ZNF16: variants seen among roughly 807,000 people sequenced by gnomAD.
The protein encoded by ZNF16 is zinc finger protein 16.
A neutral mutation model predicts 9.0 loss-of-function variants in ZNF16; 7 were observed. The observed-to-expected ratio is 0.78, with a 90% CI of 0.44 to 1.47. The LOEUF is 1.47. ZNF16 is among the 40% of genes most tolerant of loss of function. ZNF16 has a pLI of 0.01. For synonymous variants in ZNF16, 312 were observed against 301.5 expected, an observed-to-expected ratio of 1.03 and a Z score of -0.36; for missense variants, 830 against 854.2, an observed-to-expected ratio of 0.97 and a Z score of 0.35.
At chr8:144,943,918 T>C (rs1833862805) in intron 2 of ZNF16, among the ~76,000 whole-genome samples, 1 of 152,234 alleles carries the variant, frequency 6.6e-6, no homozygotes, top group South Asian at 2.1e-4. Context: ...TCAAATCTAC[T>C]GCTGAAACCC....
intron 1 of ZNF16, among the ~76,000 whole-genome samples, chr8:144,946,994 C>A (rs1330160819): frequency 9.2e-6 from 1 of 109,128 alleles, no homozygotes; most frequent in Non-Finnish European, 1.8e-5. Context: ...TGCTGTGGGG[C>A]TGTGTCCTGC....
Position 144,946,810 on chromosome 8 carries a change from G to C in ZNF16, c.-9-595C>G, listed in dbSNP as rs77821487. Among the ~76,000 whole-genome samples the C allele has an allele frequency of 1.1e-3, 65 of 60,610 alleles. 1 individual carries two copies. Among genetic ancestry groups the C allele is most frequent in the African/African-American group, 1.1e-3 (16 of 13,968 alleles). The allele number at this position is 60,610 out of a possible 152,430, so 39.8% of individuals were successfully genotyped here. On this transcript the variant is annotated intron_variant, in intron 1 of 2. Coordinates refer to ENST00000394909, the MANE Select transcript of ZNF16 (RefSeq NM_006958.3). Reference sequence around the variant, plus strand: ...CTGTGGGCCTGTGTCCTGCTGTGGGGCTGTGTCCTGCTGTGGGCCTGTATC... The same window carrying C: ...CTGTGGGCCTGTGTCCTGCTGTGGGCCTGTGTCCTGCTGTGGGCCTGTATC...
At chr8:144,946,563 CCT>C (rs1833939082) in intron 1 of ZNF16, among the ~76,000 whole-genome samples, 10 of 133,396 alleles carry the variant, frequency 7.5e-5, no homozygotes, top group African/African-American at 2.7e-4. Context: ...GGGCCTGTAC[CCT>C]GCTGTGGGCC....
At chr8:144,939,836 TC>T (rs1239042335) in intron 2 of ZNF16, among the ~76,000 whole-genome samples, 1 of 152,190 alleles carries the variant, frequency 6.6e-6, no homozygotes, top group African/African-American at 2.4e-5. Context: ...CTAGTAATGT[TC>T]CCACTTCCAC....
intron 2 of ZNF16, among the ~76,000 whole-genome samples, chr8:144,943,931 T>C (rs1041545647): frequency 1.3e-5 from 2 of 152,230 alleles, no homozygotes; most frequent in Admixed American, 6.5e-5. Flanking sequence ...TGAAACCCTC[T>C]AGCAAAATTT....
intron 2 of ZNF16, among the ~76,000 whole-genome samples, chr8:144,936,715 C>CTTTATTTATTTA (rs1563921090): frequency 2.2e-5 from 3 of 138,064 alleles, no homozygotes; most frequent in African/African-American, 8.4e-5. Context: ...GTTCTTTGCC[C>CTTTATTTATTTA]CTTATTTATT....
In ZNF16 at chr8:144,949,836, G is replaced by A. The variant is rs557937161; in HGVS notation, c.-10+961C>T. ...TGATAGTCTGAAATATGGCCTCATG[G>A]GATGAGAAAGACCTGACCGTCCCCC... On this transcript the variant is annotated intron_variant, in intron 1 of 2. Transcript: ENST00000394909. Among the ~76,000 whole-genome samples, 82 of 152,296 alleles carry A rather than the reference G, an allele frequency of 5.4e-4. No individual in the cohort carries two copies. The Middle Eastern group carries it at 0.01, about 19-fold the overall frequency.
At position 144,930,743 on chromosome 8, in the gene ZNF16, C is replaced by T; in HGVS notation, c.2044G>A (p.Glu682Lys). 1 of 1,526,168 alleles carries T rather than the reference C, an allele frequency of 6.6e-7. No homozygotes were observed. The highest frequency in any genetic ancestry group is 8.8e-7 in the Non-Finnish European group (1 of 1,139,334). 94.5% of individuals were successfully genotyped at this position (1,526,168 alleles called of 1,614,324 possible). A position where few individuals can be genotyped will look rare whatever the true frequency, so the allele number is the denominator to read the frequency against. ...LIKHQLIHTRE is the reference protein window; with the variant it reads ...LIKHQLIHTRK ...ACTCCTGCCAGCCCAACAGCCTATTCCCTGGTGTGAATCAACTGGTGTTTG... is the reference window on the plus strand; with the variant it reads ...ACTCCTGCCAGCCCAACAGCCTATTTCCTGGTGTGAATCAACTGGTGTTTG... Residue 682 changes from glutamate to lysine, a missense_variant, in exon 3 of 3, where the codon GAA (glutamate) becomes AAA (lysine). By Grantham distance (56) the Glu-to-Lys change is moderately conservative. Coordinates refer to ENST00000394909, the MANE Select transcript of ZNF16 (RefSeq NM_006958.3).
intron 2 of ZNF16, among the ~76,000 whole-genome samples, chr8:144,936,843 T>C (rs1833693322): frequency 6.6e-6 from 1 of 151,824 alleles, no homozygotes; most frequent in South Asian, 2.1e-4. Context: ...TACAGGTGCA[T>C]GCCACCACTC....
In ZNF16 at chr8:144,931,869, C is replaced by T. The variant is rs542521845; in HGVS notation, c.918G>A (p.Ser306=). 2.3e-5 allele frequency: 37 copies of T among 1,613,888 alleles called. No individual in the cohort carries two copies. The highest frequency in any genetic ancestry group is 1.6e-4 in the East Asian group (7 of 44,856). The change falls in exon 3 of 3, where the codon TCG becomes TCA. Residue 306 remains serine, a synonymous_variant. Transcript: ENST00000394909. ...NECGKAFSQN[S]SLKKHQKSHM... ...GAGACTTTTGGTGCTTTTTAAGGCT[C>T]GAGTTCTGGCTGAAGGCTTTTCCAC...
At chr8:144,938,043 T>C (rs939018181) in intron 2 of ZNF16, among the ~76,000 whole-genome samples, 2 of 152,226 alleles carry the variant, frequency 1.3e-5, no homozygotes, top group African/African-American at 2.4e-5. Flanking sequence ...TTCTCATTGA[T>C]TGAAAGGACT....
Position 144,934,134 on chromosome 8 carries a change from T to C in ZNF16, c.197-1544A>G, listed in dbSNP as rs1403539636. On this transcript the variant is annotated intron_variant, in intron 2 of 2. Transcript: ENST00000394909. Reference sequence around the variant, plus strand: ...ATTGTCTGTTCCCAAGGAGCTGTGGTGTCAACAAAGATCCAAACCGGCCCA... The same window carrying C: ...ATTGTCTGTTCCCAAGGAGCTGTGGCGTCAACAAAGATCCAAACCGGCCCA... 2.6e-5 allele frequency among the ~76,000 whole-genome samples: 4 copies of C among 152,212 alleles called. No homozygotes were observed. The East Asian group carries it at 7.7e-4, about 29-fold the overall frequency.
In ZNF16 at chr8:144,933,605, C is replaced by T. The variant is rs1356591762; in HGVS notation, c.197-1015G>A. On this transcript the variant is annotated intron_variant, in intron 2 of 2. Coordinates refer to ENST00000394909, the MANE Select transcript of ZNF16 (RefSeq NM_006958.3). This position sits in a 1 kb window ranked among gnomAD's most constrained non-coding sequence, Gnocchi z 5.6. ...CTGGATGCTGAGCAGCTTCCCTGGC[C>T]CCCAACCTCCCCTCCTGCCCACAGC... Among the ~76,000 whole-genome samples the T allele has an allele frequency of 2.0e-5, 3 of 152,092 alleles. No individual in the cohort carries two copies. The highest frequency in any genetic ancestry group is 4.8e-5 in the African/African-American group (2 of 41,406).
At chr8:144,939,505 A>G (rs1833753985) in intron 2 of ZNF16, among the ~76,000 whole-genome samples, 2 of 149,472 alleles carry the variant, frequency 1.3e-5, no homozygotes, top group Admixed American at 6.8e-5. Flanking sequence ...CTGAGACAGG[A>G]GAATTGCTTG....
chr8:144,940,955 T>C (rs550497228), intron 2 of ZNF16, among the ~76,000 whole-genome samples: 2 of 152,236 alleles, frequency 1.3e-5, no homozygotes, highest in African/African-American at 4.8e-5. Flanking sequence ...TCTGCTCTCA[T>C]GGCCCAGTCA....
At chr8:144,945,938 G>C in intron 2 of ZNF16, 73 bp downstream of exon 2, 1 of 1,576,944 alleles carries the variant, frequency 6.3e-7, no homozygotes, top group Middle Eastern at 1.7e-4. Flanking sequence ...TGCCTCCTAG[G>C]GGTAAGCACA....
At chr8:144,937,754 G>A (rs1472346293) in intron 2 of ZNF16, among the ~76,000 whole-genome samples, 5 of 152,106 alleles carry the variant, frequency 3.3e-5, no homozygotes, top group African/African-American at 9.7e-5. Context: ...ACAGCTGACT[G>A]TAGCCTTGAG....
Position 144,930,781 on chromosome 8 carries a change from C to G in ZNF16, c.2006G>C (p.Arg669Pro). 1.3e-6 allele frequency: 2 copies of G among 1,542,002 alleles called. No individual in the cohort carries two copies. The highest frequency in any genetic ancestry group is 1.7e-6 in the Non-Finnish European group (2 of 1,147,258). Reference sequence around the variant, plus strand: ...CAACTGGTGTTTGATCAACTTTGATCGCTGGCTGAAGGCTTTCCCACAAGC... The same window carrying G: ...CAACTGGTGTTTGATCAACTTTGATGGCTGGCTGAAGGCTTTCCCACAAGC... ...CAACGKAFSQ[R>P]SKLIKHQLIH... The change falls in exon 3 of 3, where the codon CGA becomes CCA. Residue 669 changes from arginine (R) to proline (P), a missense_variant. By Grantham distance (103) the Arg-to-Pro change is moderately radical. Transcript: ENST00000394909.
intron 2 of ZNF16, among the ~76,000 whole-genome samples, chr8:144,936,455 G>C (rs1323272680): frequency 6.6e-6 from 1 of 152,040 alleles, no homozygotes; most frequent in African/African-American, 2.4e-5. Flanking sequence ...TCAAACTTTT[G>C]AGGAACCACC....
Sources: gnomAD v4.1 joint callset for allele counts (sites outside exome capture counted in the v4.1 genomes callset) on GRCh38, gnomAD v4.1.1 for gene constraint, Gnocchi (gnomAD v3.1) non-coding constraint, MANE v1.5 for transcripts, NCBI Gene and HGNC (gene_info 2026-07-23, HGNC 2026-07-21) for gene names.